Variants in EIF2AK4 observed in about 807,000 individuals in gnomAD.
EIF2AK4 encodes eukaryotic translation initiation factor 2 alpha kinase 4.
EIF2AK4 carries 139 observed loss-of-function variants against 211.1 expected under a neutral mutation model. The ratio of observed to expected loss-of-function variants is 0.66; its 90% CI spans 0.57 to 0.76. The LOEUF (loss-of-function observed/expected upper bound fraction) is 0.76, where lower values mean the gene tolerates loss of function less well. Ranked by LOEUF, EIF2AK4 falls within the 30% of genes least tolerant of loss-of-function variation. The pLI is 0.00. For missense variants in EIF2AK4, 1,664 were observed against 2,043.8 expected, an observed-to-expected ratio of 0.81 and a Z score of 3.58; for synonymous variants, 710 against 751.3, an observed-to-expected ratio of 0.94 and a Z score of 0.90.
intron 4 of EIF2AK4, among the ~76,000 whole-genome samples, chr15:39,950,181 TTAAAC>T (rs1263842885): frequency 6.6e-6 from 1 of 152,234 alleles, no homozygotes; most frequent in Non-Finnish European, 1.5e-5. Context: ...AATACTTTCT[TTAAAC>T]TATATGTTTA....
intron 22 of EIF2AK4, 135 bp from the exon 23 acceptor site, chr15:40,003,058 G>A: frequency 1.5e-6 from 2 of 1,329,572 alleles, no homozygotes; most frequent in Non-Finnish European, 2.0e-6. Flanking sequence ...TAAATTTAGA[G>A]AACTCAAGAA....
At chr15:40,032,051 G>T in intron 35 of EIF2AK4, 118 bp from the exon 36 acceptor site, 3 of 893,216 alleles carry the variant, frequency 3.4e-6, no homozygotes, top group Non-Finnish European at 1.8e-6. Context: ...GACACCATTT[G>T]GAATCCTTTC....
At chr15:39,952,198 T>A (rs1469276717) in intron 4 of EIF2AK4, among the ~76,000 whole-genome samples, 1 of 152,234 alleles carries the variant, frequency 6.6e-6, no homozygotes, top group Non-Finnish European at 1.5e-5. Flanking sequence ...TTAGGAAGAA[T>A]TGATATCTTC....
intron 18 of EIF2AK4, among the ~76,000 whole-genome samples, chr15:39,995,447 T>C (rs938448950): frequency 2.0e-5 from 3 of 152,188 alleles, no homozygotes; most frequent in Non-Finnish European, 4.4e-5. Context: ...CCCCTGACCA[T>C]GTGCAGTCTT....
chr15:39,990,923 G>T (rs1251651530), intron 16 of EIF2AK4, among the ~76,000 whole-genome samples: 3 of 152,228 alleles, frequency 2.0e-5, no homozygotes, highest in Non-Finnish European at 4.4e-5. Flanking sequence ...GGGGTAAGCA[G>T]ACTTGGCTGT....
At chr15:39,987,266 G>A (rs1262399501) in intron 14 of EIF2AK4, among the ~76,000 whole-genome samples, 1 of 152,230 alleles carries the variant, frequency 6.6e-6, no homozygotes, top group East Asian at 1.9e-4. Flanking sequence ...AGGGGGCCTT[G>A]TGAGGCCCGG....
rs1021974241 is a variant in EIF2AK4 at position 39,942,661 on chromosome 15, G to A, written c.258-722G>A. Among the ~76,000 whole-genome samples the A allele has an allele frequency of 5.3e-5, 8 of 152,298 alleles. No homozygotes were observed. In the East Asian group the frequency reaches 1.3e-3, roughly 26 times the overall value. The stretch of plus-strand genomic sequence containing the variant: ...GGAATAAAATGAAACCCGAGGGCTG[G>A]TTGTGTAATGTCCTTGAGTTGAAAG... On this transcript the variant is annotated intron_variant, in intron 2 of 38. Coordinates refer to ENST00000263791, the MANE Select transcript of EIF2AK4 (RefSeq NM_001013703.4).
intron 18 of EIF2AK4, among the ~76,000 whole-genome samples, chr15:39,996,338 C>T (rs1435325694): frequency 6.6e-6 from 1 of 152,236 alleles, no homozygotes; most frequent in Non-Finnish European, 1.5e-5. Context: ...TGTCCTTGCT[C>T]TTCAGCCATT....
rs2034382229 is a variant in EIF2AK4, at chr15:39,955,766, T to A, written c.741T>A (p.Ser247=). 1.3e-6 allele frequency: 2 copies of A among 1,596,386 alleles called. No individual in the cohort carries two copies. Among genetic ancestry groups the A allele is most frequent in the Non-Finnish European group, 1.7e-6 (2 of 1,173,978 alleles). ...ATCGGGCAAACTCCTCAGGAAGGTC[T>A]AGGTAAGTCCCTGGGATTTCTGATC... ...GKHRANSSGR[S]RRERQYSVCN... Residue 247 remains serine (S), a splice_region_variant and synonymous_variant, in exon 6 of 39, where the codon TCT becomes TCA. Transcript: ENST00000263791.
Position 39,973,603 on chromosome 15 carries a change from C to G in EIF2AK4, c.1672C>G (p.Gln558Glu). ...VEQSPEDSEGQDYVETVIPSN... is the reference protein window; with the variant it reads ...VEQSPEDSEGEDYVETVIPSN... ...CTGTTTTATCTCAGATTCTGAAGGA[C>G]AAGATTATGTTGAGACTGTTATTCC... is the stretch of plus-strand genomic sequence containing the variant. The change falls in exon 11 of 39, where the codon CAA (glutamine) becomes GAA (glutamate). Residue 558 changes from glutamine (Q) to glutamate (E), a missense_variant. Around this residue, in one of 7 missense-constraint regions of EIF2AK4, gnomAD observed 641 missense variants for 729.6 expected, o/e 0.88. Transcript: ENST00000263791. 1 of 1,611,536 alleles carries G rather than the reference C, an allele frequency of 6.2e-7. No individual in the cohort carries two copies. The highest frequency in any genetic ancestry group is 1.3e-5 in the African/African-American group (1 of 74,894).
At chr15:39,970,490 G>C (rs12324733) in intron 9 of EIF2AK4, among the ~76,000 whole-genome samples, 52,411 of 151,874 alleles carry the variant, frequency 0.35, 9,094 homozygotes, top group Middle Eastern at 0.36. Flanking sequence ...AGGAGAATGT[G>C]TAAATAAATT....
chr15:39,942,841 C>A (rs1434569607), intron 2 of EIF2AK4, among the ~76,000 whole-genome samples: 1 of 152,162 alleles, frequency 6.6e-6, no homozygotes, highest in African/African-American at 2.4e-5. Context: ...ATCACCAGGG[C>A]TCCACTCATC....
At chr15:39,978,364 G>A (rs2034730587) in intron 13 of EIF2AK4, 1 of 287,350 alleles carries the variant, frequency 3.5e-6, no homozygotes, top group African/African-American at 2.2e-5. Flanking sequence ...CCTTTTAGAA[G>A]AGAGGAGTCA....
intron 13 of EIF2AK4, among the ~76,000 whole-genome samples, chr15:39,981,274 G>T (rs752097364): frequency 4.1e-4 from 63 of 152,016 alleles, no homozygotes; most frequent in Admixed American, 7.2e-4. Flanking sequence ...GGAGGCTGAG[G>T]CAGGAGAATT....
intron 20 of EIF2AK4, 60 bp downstream of exon 20, chr15:39,998,844 C>A: frequency 1.4e-6 from 2 of 1,400,626 alleles, no homozygotes; most frequent in South Asian, 1.3e-5. Flanking sequence ...TATTATTTTT[C>A]TTCTTTTTCA....
At chr15:39,978,286 T>G (rs2034729612) in intron 13 of EIF2AK4, 139 bp downstream of exon 13, 1 of 426,828 alleles carries the variant, frequency 2.3e-6, no homozygotes, top group East Asian at 3.5e-5. Flanking sequence ...TGATTATTCA[T>G]TTAAAATATA....
At chr15:40,018,612 A>C (rs1199599764) in intron 29 of EIF2AK4, among the ~76,000 whole-genome samples, 3 of 152,148 alleles carry the variant, frequency 2.0e-5, no homozygotes, top group African/African-American at 4.8e-5. Flanking sequence ...GTGAGCCACC[A>C]CACCTGACCT....
chr15:40,032,297 C>A, intron 36 of EIF2AK4, 60 bp downstream of exon 36: 1 of 1,499,908 alleles, frequency 6.7e-7, no homozygotes, highest in South Asian at 1.1e-5. Flanking sequence ...AAAGTAGTTG[C>A]CTCAGGGTTC....
intron 6 of EIF2AK4, among the ~76,000 whole-genome samples, chr15:39,957,257 G>A (rs2034403867): frequency 6.6e-6 from 1 of 152,166 alleles, no homozygotes; most frequent in African/African-American, 2.4e-5. Context: ...GTGAATCCAA[G>A]GTTAGGCTTG....
Sources: gnomAD v4.1 joint callset for allele counts (sites outside exome capture counted in the v4.1 genomes callset) on GRCh38, gnomAD v4.1.1 for gene constraint, gnomAD v4.1.1 regional missense constraint, MANE v1.5 for transcripts, NCBI Gene and HGNC (gene_info 2026-07-23, HGNC 2026-07-21) for gene names.